The following AKR1C4 variants were observed in gnomAD, a reference collection of about 807,000 sequenced individuals.
The protein encoded by AKR1C4 is aldo-keto reductase family 1 member C4.
In AKR1C4, 44 loss-of-function variants were observed where a neutral mutation model predicts 41.0. That is an observed-to-expected ratio of 1.07 (90% CI 0.84 to 1.38). AKR1C4 has a LOEUF of 1.38. Ranked by LOEUF, AKR1C4 falls within the 40% of genes most tolerant of loss-of-function variation. The probability of loss-of-function intolerance (pLI) is 0.00; values close to 1 mark genes in which losing one functional copy is unlikely to be tolerated. For missense variants in AKR1C4, 438 were observed against 387.9 expected (o/e 1.13, Z -1.09); for synonymous variants, 165 against 137.7 (o/e 1.20, Z -1.39).
rs1554797481 is a variant in AKR1C4 at position 5,206,302 on chromosome 10, T to C, written c.475T>C (p.Leu159=). The C allele has an allele frequency of 6.2e-7, 1 of 1,614,132 alleles. No individual in the cohort carries two copies. The change falls in exon 5 of 9, where the codon TTG becomes CTG. Residue 159 remains leucine (L), a synonymous_variant. Transcript: ENST00000263126. ...EVMEKCKDAG[L]AKSIGVSNFN... ...CATGGAGAAGTGTAAGGATGCAGGA[T>C]TGGCCAAGTCCATCGGGGTGTCAAA...
At chr10:5,203,623 T>C (rs1832436624) in intron 2 of AKR1C4, among the ~76,000 whole-genome samples, 1 of 152,210 alleles carries the variant, frequency 6.6e-6, no homozygotes, top group South Asian at 2.1e-4. Context: ...CTGCCACTTC[T>C]TTCAAAGGGT....
At position 5,218,860 on chromosome 10, in the gene AKR1C4, A is replaced by C; in HGVS notation, c.*100A>C. The C allele has an allele frequency of 8.7e-7, 1 of 1,153,144 alleles. No homozygotes were observed. The highest frequency in any genetic ancestry group is 2.4e-5 in the East Asian group (1 of 41,294). 71.4% of individuals were successfully genotyped at this position (1,153,144 alleles called of 1,614,324 possible). ...GTGACTGGACACACAGCCTCTGGTT[A>C]AATCCCTCCCCTCCTGCTTGGCAAC... is the stretch of plus-strand genomic sequence containing the variant. On this transcript the variant is annotated 3_prime_UTR_variant, in exon 9 of 9. Coordinates refer to ENST00000263126, the MANE Select transcript of AKR1C4 (RefSeq NM_001818.5).
chr10:5,203,457 C>G (rs1832433841), intron 2 of AKR1C4, among the ~76,000 whole-genome samples: 1 of 152,156 alleles, frequency 6.6e-6, no homozygotes, highest in African/African-American at 2.4e-5. Flanking sequence ...TCACCTCTCC[C>G]TAAATCAGCT....
chr10:5,205,058 G>T (rs1418250617), intron 3 of AKR1C4, among the ~76,000 whole-genome samples: 1 of 152,152 alleles, frequency 6.6e-6, no homozygotes, highest in Non-Finnish European at 1.5e-5. Flanking sequence ...AAAAACTCAG[G>T]CTAGTTTATT....
At chr10:5,199,154 C>T (rs111428966) in intron 1 of AKR1C4, among the ~76,000 whole-genome samples, 12 of 152,124 alleles carry the variant, frequency 7.9e-5, no homozygotes, top group African/African-American at 2.7e-4. Context: ...TCCAGGGATA[C>T]CCAATCTTTA....
At position 5,196,922 on chromosome 10, in the gene AKR1C4, T is replaced by G; in HGVS notation, c.55T>G (p.Leu19Val). 1 of 1,614,084 alleles carries G rather than the reference T, an allele frequency of 6.2e-7. No homozygotes were observed. Among genetic ancestry groups the G allele is most frequent in the South Asian group, 1.1e-5 (1 of 91,078 alleles). Residue 19 changes from leucine to valine, a missense_variant, in exon 1 of 9, where the codon TTG becomes GTG. Transcript: ENST00000263126. ...AAATGATGGTCACTTCATGCCCGTA[T>G]TGGGATTTGGCACCTATGCACCTCC... The part of the protein sequence containing the change: ...ELNDGHFMPV[L>V]GFGTYAPPEV...
intron 5 of AKR1C4, among the ~76,000 whole-genome samples, chr10:5,210,519 G>C (rs192399953): frequency 8.5e-5 from 13 of 152,294 alleles, no homozygotes; most frequent in African/African-American, 2.9e-4. Flanking sequence ...GAGAGTGCAT[G>C]CCTAGTGGTA....
At chr10:5,207,612 G>A in intron 5 of AKR1C4, 1 of 1,161,014 alleles carries the variant, frequency 8.6e-7, no homozygotes. Flanking sequence ...TGTTAGCAAT[G>A]GTTGAACTAA....
intron 4 of AKR1C4, 140 bp downstream of exon 4, chr10:5,205,974 G>T: frequency 1.0e-6 from 1 of 991,754 alleles, no homozygotes; most frequent in Non-Finnish European, 1.5e-6. Flanking sequence ...TTGCTGAGTG[G>T]TAGGGAAGAA....
intron 2 of AKR1C4, among the ~76,000 whole-genome samples, chr10:5,200,808 A>ATG (rs1832389691): frequency 6.6e-6 from 1 of 152,152 alleles, no homozygotes; most frequent in African/African-American, 2.4e-5. Context: ...TAATCTGTAT[A>ATG]TCTATACATC....
chr10:5,215,590 G>A lies in AKR1C4; in HGVS notation c.847-1121G>A, dbSNP rs532260421. Among the ~76,000 whole-genome samples, 3 of 152,252 alleles carry A rather than the reference G, an allele frequency of 2.0e-5. No homozygotes were observed. In the East Asian group the frequency reaches 5.8e-4, roughly 29 times the overall value. Reference sequence around the variant, plus strand: ...CACACTATCTCTTGAATGTTTTCCTGCTTAGAAATTTCTTCCACCAGATAC... The same window carrying A: ...CACACTATCTCTTGAATGTTTTCCTACTTAGAAATTTCTTCCACCAGATAC... On this transcript the variant is annotated intron_variant, in intron 7 of 8. Coordinates refer to ENST00000263126, the MANE Select transcript of AKR1C4 (RefSeq NM_001818.5).
chr10:5,212,897 G>A, intron 6 of AKR1C4, 97 bp from the exon 7 acceptor site: 1 of 1,494,220 alleles, frequency 6.7e-7, no homozygotes, highest in Non-Finnish European at 9.0e-7. Flanking sequence ...TCACTTGAGA[G>A]GCTCTGGTGC....
intron 7 of AKR1C4, among the ~76,000 whole-genome samples, chr10:5,213,921 A>G (rs1832614385): frequency 6.6e-6 from 1 of 152,056 alleles, no homozygotes; most frequent in Non-Finnish European, 1.5e-5. Context: ...AATAAGCAAA[A>G]GTTTCTACTC....
chr10:5,198,418 T>G (rs1189405561), intron 1 of AKR1C4, among the ~76,000 whole-genome samples: 2 of 152,144 alleles, frequency 1.3e-5, no homozygotes, highest in African/African-American at 4.8e-5. Context: ...AATTAACTGG[T>G]TGTACAAAGT....
chr10:5,198,840 A>C (rs1832352762), intron 1 of AKR1C4, among the ~76,000 whole-genome samples: 1 of 151,956 alleles, frequency 6.6e-6, no homozygotes, highest in African/African-American at 2.4e-5. Context: ...ATCTCTACCA[A>C]AAATACAAAA....
chr10:5,200,854 A>T (rs778395680), intron 2 of AKR1C4, among the ~76,000 whole-genome samples: 1 of 152,156 alleles, frequency 6.6e-6, no homozygotes, highest in East Asian at 1.9e-4. Flanking sequence ...GTGAGAATGT[A>T]CAGTGTTTGG....
intron 8 of AKR1C4, among the ~76,000 whole-genome samples, chr10:5,217,107 C>G (rs1468244375): frequency 6.6e-6 from 1 of 152,254 alleles, no homozygotes; most frequent in African/African-American, 2.4e-5. Flanking sequence ...GCCTAGTGGA[C>G]AGTAGATATT....
intron 2 of AKR1C4, among the ~76,000 whole-genome samples, chr10:5,201,769 T>C (rs1832403341): frequency 6.6e-6 from 1 of 152,230 alleles, no homozygotes; most frequent in Non-Finnish European, 1.5e-5. Flanking sequence ...CTTTGATCCA[T>C]CTTGTGTTGG....
intron 7 of AKR1C4, among the ~76,000 whole-genome samples, chr10:5,215,909 T>C (rs1260855264): frequency 6.6e-6 from 1 of 152,218 alleles, no homozygotes; most frequent in Non-Finnish European, 1.5e-5. Context: ...CTAAAGCCAC[T>C]ACCACATTTT....
Sources: allele counts gnomAD v4.1 joint callset (sites outside exome capture counted in the v4.1 genomes callset), GRCh38; gene constraint gnomAD v4.1.1; transcripts MANE v1.5; gene names NCBI Gene and HGNC (gene_info 2026-07-23, HGNC 2026-07-21).